The following WASHC5 variants were observed in gnomAD, a reference collection of about 807,000 sequenced individuals.
The protein encoded by WASHC5 is WASH complex subunit 5, also known as WASH complex subunit strumpellin.
In WASHC5, 101 loss-of-function variants were observed where a neutral mutation model predicts 150.4. The observed-to-expected ratio is 0.67, with a 90% CI of 0.57 to 0.79. The LOEUF is 0.79. Ranked by LOEUF, WASHC5 falls within the 30% of genes least tolerant of loss-of-function variation. WASHC5 has a pLI of 0.00. For synonymous variants in WASHC5, 467 were observed against 491.2 expected (o/e 0.95, Z 0.65); for missense variants, 1,195 against 1,396.3 (o/e 0.86, Z 2.30).
At chr8:125,035,291 A>G (rs1815666804) in intron 26 of WASHC5, among the ~76,000 whole-genome samples, 2 of 152,262 alleles carry the variant, frequency 1.3e-5, no homozygotes, top group African/African-American at 4.8e-5. Flanking sequence ...GATACTTTCC[A>G]TAAGCAGCTT....
At chr8:125,071,299 A>T (rs930760074) in intron 9 of WASHC5, among the ~76,000 whole-genome samples, 1 of 152,230 alleles carries the variant, frequency 6.6e-6, no homozygotes, top group Non-Finnish European at 1.5e-5. Flanking sequence ...AGAGATGTTA[A>T]TTCAACTTAC....
intron 23 of WASHC5, among the ~76,000 whole-genome samples, chr8:125,043,168 G>A (rs1466745121): frequency 1.3e-5 from 2 of 152,108 alleles, no homozygotes; most frequent in Non-Finnish European, 2.9e-5. Flanking sequence ...GGGTATAATG[G>A]GTGTGCAAGA....
chr8:125,046,769 C>G (rs78957452), intron 20 of WASHC5, among the ~76,000 whole-genome samples: 1 of 151,934 alleles, frequency 6.6e-6, no homozygotes, highest in East Asian at 1.9e-4. Flanking sequence ...AGCTAAGAAT[C>G]GTTTTGTGGA....
At chr8:125,079,098 A>C (rs1586384996) in intron 5 of WASHC5, among the ~76,000 whole-genome samples, 168 bp from the exon 6 acceptor site, 1 of 82,228 alleles carries the variant, frequency 1.2e-5, no homozygotes, top group Admixed American at 1.6e-4. Context: ...TTATGTGTAT[A>C]TATATGTGTG....
At chr8:125,049,264 A>C in intron 18 of WASHC5, 79 bp from the exon 19 acceptor site, 1 of 1,495,182 alleles carries the variant, frequency 6.7e-7, no homozygotes, top group South Asian at 1.1e-5. Flanking sequence ...ACTAGACTTT[A>C]AATAGTATAG....
At chr8:125,049,800 C>T (rs1816185739) in intron 18 of WASHC5, among the ~76,000 whole-genome samples, 1 of 152,062 alleles carries the variant, frequency 6.6e-6, no homozygotes, top group Non-Finnish European at 1.5e-5. Context: ...GAGATTGTGC[C>T]ACTGCACTCC....
rs146200695 is a variant in WASHC5, at chr8:125,066,375, G to GA, written c.1278+1216dup. On this transcript the variant is annotated intron_variant, in intron 10 of 28. Coordinates refer to ENST00000318410, the MANE Select transcript of WASHC5 (RefSeq NM_014846.4). ...TATACTAGTAACCATACTGAAGCAA[G>GA]ATGAGGATCTGTTCCGAATGGGTAT... Among the ~76,000 whole-genome samples the GA allele has an allele frequency of 1.7e-3, 258 of 152,296 alleles. 1 individual carries two copies. Among genetic ancestry groups the GA allele is most frequent in the African/African-American group, 6.1e-3 (252 of 41,554 alleles).
intron 9 of WASHC5, among the ~76,000 whole-genome samples, chr8:125,068,522 A>T (rs1816813595): frequency 6.6e-6 from 1 of 152,094 alleles, no homozygotes; most frequent in Non-Finnish European, 1.5e-5. Context: ...TCCTTTGCAG[A>T]TTTTGCTTTC....
rs1490755660 is a variant in WASHC5 at position 125,032,342 on chromosome 8, C to T, written c.3234G>A (p.Leu1078=). The change falls in exon 27 of 29, where the codon CTG becomes CTA. Residue 1078 remains leucine, a synonymous_variant. Transcript: ENST00000318410. ...ACTGCTTCAGCAGAGTGAGCAGTCC[C>T]AGGACAAGTGGTGGCCAATCAACCG... ...TDPVDWPPLV[L]GLLTLLKQFH... is the part of the protein sequence containing the mutation. 3 of 1,614,156 alleles carry T rather than the reference C, an allele frequency of 1.9e-6. No individual in the cohort carries two copies. The highest frequency in any genetic ancestry group is 1.7e-5 in the Admixed American group (1 of 60,028).
At chr8:125,058,798 G>A (rs967620568) in intron 14 of WASHC5, among the ~76,000 whole-genome samples, 1 of 152,064 alleles carries the variant, frequency 6.6e-6, no homozygotes, top group Non-Finnish European at 1.5e-5. Context: ...TACCATGAGA[G>A]CAAGGACTGT....
At chr8:125,051,576 A>G (rs985562142) in intron 17 of WASHC5, among the ~76,000 whole-genome samples, 3 of 152,346 alleles carry the variant, frequency 2.0e-5, no homozygotes, top group Middle Eastern at 3.4e-3. Context: ...GTTCTTCAAC[A>G]GATGAATTAA....
At chr8:125,039,926 T>C in intron 23 of WASHC5, 28 bp from the exon 24 acceptor site, 1 of 1,485,370 alleles carries the variant, frequency 6.7e-7, no homozygotes, top group South Asian at 1.1e-5. Context: ...AAAGAACAGG[T>C]AGTGCATTCA....
At position 125,082,801 on chromosome 8, in the gene WASHC5, TGATAAA is replaced by T. The variant is rs1303404456; in HGVS notation, c.332+306_332+311del. 1.1e-5 allele frequency: 4 copies of T among 363,156 alleles called. No homozygotes were observed. The East Asian group carries it at 2.1e-4, about 19-fold the overall frequency. 22.5% of individuals were successfully genotyped at this position (363,156 alleles called of 1,614,324 possible). On this transcript the variant is annotated intron_variant, in intron 3 of 28. Transcript: ENST00000318410. ...AGTGTATTAAGAGACAGAAAGTTAA[TGATAAA>T]GATAAGTTCTTTTTCCCACTTTTCA...
At position 125,024,350 on chromosome 8, in the gene WASHC5, G is replaced by C; in HGVS notation, c.*267C>G. ...AAACTAAATGGATTTATACATAACA[G>C]TTACATTCAGCATTTAAGAGAGGCA... is the stretch of plus-strand genomic sequence containing the variant. On this transcript the variant is annotated 3_prime_UTR_variant, in exon 29 of 29. Transcript: ENST00000318410. 2 of 523,998 alleles carry C rather than the reference G, an allele frequency of 3.8e-6. No individual in the cohort carries two copies. The highest frequency in any genetic ancestry group is 6.9e-6 in the Non-Finnish European group (2 of 288,866). 32.5% of individuals were successfully genotyped at this position (523,998 alleles called of 1,614,324 possible). A position where few individuals can be genotyped will look rare whatever the true frequency, so the allele number is the denominator to read the frequency against.
At chr8:125,081,635 G>A (rs773076563) in intron 5 of WASHC5, 26 bp downstream of exon 5, 1 of 1,333,966 alleles carries the variant, frequency 7.5e-7, no homozygotes, top group African/African-American at 1.4e-5. Context: ...CAGCGTTTCG[G>A]AAGTGTAGTC....
At position 125,063,757 on chromosome 8, in the gene WASHC5, T is replaced by C. The variant is rs1217852781; in HGVS notation, c.1279-106A>G. On this transcript the variant is annotated intron_variant, in intron 10 of 28. Transcript: ENST00000318410. The stretch of plus-strand genomic sequence containing the variant: ...CCAATTTAAATTTTAAATAAGAAGC[T>C]ACACTATAAATTAACATTGACCCTG... 6.0e-6 allele frequency: 6 copies of C among 1,007,654 alleles called. No homozygotes were observed. The African/African-American group carries it at 6.6e-5, about 11-fold the overall frequency. The allele number at this position is 1,007,654 out of a possible 1,614,324, so 62.4% of individuals were successfully genotyped here. A position where few individuals can be genotyped will look rare whatever the true frequency, so the allele number is the denominator to read the frequency against.
chr8:125,040,836 T>C (rs540156285), intron 23 of WASHC5: 1 of 152,336 alleles, frequency 6.6e-6, no homozygotes, highest in East Asian at 1.9e-4. Context: ...TATGTCTTTA[T>C]TATGTGAGAA....
intron 9 of WASHC5, among the ~76,000 whole-genome samples, chr8:125,072,335 T>TAAA (rs1214416109): frequency 0.017 from 1,168 of 69,878 alleles, 124 homozygotes; most frequent in African/African-American, 0.082. Flanking sequence ...GATCCTGTCT[T>TAAA]AAAAAAAAAA....
At chr8:125,030,205 T>C (rs1473254553) in intron 27 of WASHC5, among the ~76,000 whole-genome samples, 1 of 152,168 alleles carries the variant, frequency 6.6e-6, no homozygotes, top group Non-Finnish European at 1.5e-5. Context: ...GTGTGGAGGT[T>C]ACTTGCTAAT....
Sources: gnomAD v4.1 joint callset for allele counts (sites outside exome capture counted in the v4.1 genomes callset) on GRCh38, gnomAD v4.1.1 for gene constraint, MANE v1.5 for transcripts, NCBI Gene and HGNC (gene_info 2026-07-23, HGNC 2026-07-21) for gene names.